C1QTNF3: variants seen among roughly 807,000 people sequenced by gnomAD.
The protein encoded by C1QTNF3 is complement C1q tumor necrosis factor-related protein 3.
In C1QTNF3, 26 loss-of-function variants were observed where a neutral mutation model predicts 32.6. That is an observed-to-expected ratio of 0.80 (90% CI 0.58 to 1.11). The LOEUF (loss-of-function observed/expected upper bound fraction) is 1.11, where lower values mean the gene tolerates loss of function less well. Ranked by LOEUF, C1QTNF3 falls within the 50% of genes least tolerant of loss-of-function variation. C1QTNF3 has a pLI of 0.00. For missense variants in C1QTNF3, 362 were observed against 398.2 expected (o/e 0.91, Z 0.77); for synonymous variants, 155 against 146.0 (o/e 1.06, Z -0.44).
chr5:34,105,551 C>A, the C1QTNF3 span, among the ~76,000 whole-genome samples: 1 of 151,844 alleles, frequency 6.6e-6, no homozygotes, highest in African/African-American at 2.4e-5. Context: ...ATGAGAGACT[C>A]CTTTATATTG....
the C1QTNF3 span, among the ~76,000 whole-genome samples, chr5:34,129,501 TAG>T: frequency 6.6e-6 from 1 of 152,176 alleles, no homozygotes; most frequent in African/African-American, 2.4e-5. Flanking sequence ...TGGTAATTAT[TAG>T]AGGCGATGGG....
At chr5:34,036,215 A>G (rs1754733059) in intron 1 of C1QTNF3, among the ~76,000 whole-genome samples, 1 of 151,986 alleles carries the variant, frequency 6.6e-6, no homozygotes, top group African/African-American at 2.4e-5. Flanking sequence ...TACTATATCC[A>G]TGATACTGAG....
chr5:34,172,265 C>T, the C1QTNF3 span, among the ~76,000 whole-genome samples: 1 of 151,716 alleles, frequency 6.6e-6, no homozygotes, highest in African/African-American at 2.4e-5. Context: ...AAGAAACTAA[C>T]AACAATAAAA....
At chr5:34,083,666 A>T in the C1QTNF3 span, among the ~76,000 whole-genome samples, 1 of 151,830 alleles carries the variant, frequency 6.6e-6, no homozygotes, top group Non-Finnish European at 1.5e-5. Context: ...GCTCAAGAAC[A>T]TTCTTTTATG....
chr5:34,219,314 G>A, the C1QTNF3 span, among the ~76,000 whole-genome samples: 4 of 151,456 alleles, frequency 2.6e-5, no homozygotes, highest in Non-Finnish European at 5.9e-5. Context: ...AAATAAAAAA[G>A]AAGTCACCTC....
chr5:34,157,300 T>C, the C1QTNF3 span, among the ~76,000 whole-genome samples: 1 of 152,308 alleles, frequency 6.6e-6, no homozygotes, highest in Non-Finnish European at 1.5e-5. Flanking sequence ...TATACCAAAC[T>C]TTCCTAATCA....
chr5:34,217,062 T>C, the C1QTNF3 span, among the ~76,000 whole-genome samples: 6 of 152,222 alleles, frequency 3.9e-5, no homozygotes, highest in East Asian at 1.9e-4. Flanking sequence ...AATATTCTTA[T>C]AATAACTCTT....
the C1QTNF3 span, among the ~76,000 whole-genome samples, chr5:34,237,987 C>G: frequency 1.3e-5 from 2 of 152,196 alleles, no homozygotes; most frequent in Non-Finnish European, 2.9e-5. Context: ...TCTTAAGCAC[C>G]ATGCATTGGA....
chr5:34,125,525 G>C, the C1QTNF3 span, among the ~76,000 whole-genome samples: 1 of 151,998 alleles, frequency 6.6e-6, no homozygotes, highest in Non-Finnish European at 1.5e-5. Context: ...CTTATGTAGA[G>C]TTGTGAGGAG....
the C1QTNF3 span, among the ~76,000 whole-genome samples, chr5:34,080,740 G>A: frequency 4.6e-5 from 7 of 151,542 alleles, 1 homozygote; most frequent in African/African-American, 1.5e-4. Flanking sequence ...AAAAATTCAC[G>A]ATTCTTGTCC....
chr5:34,137,865 TC>T, the C1QTNF3 span, among the ~76,000 whole-genome samples: 1 of 152,210 alleles, frequency 6.6e-6, no homozygotes, highest in South Asian at 2.1e-4. Flanking sequence ...TGATTTGTGA[TC>T]CCCCCAATTC....
the C1QTNF3 span, among the ~76,000 whole-genome samples, chr5:34,051,589 G>A: frequency 6.6e-6 from 1 of 152,188 alleles, no homozygotes; most frequent in Non-Finnish European, 1.5e-5. Flanking sequence ...TAAGGCAATT[G>A]TAAGGGAGCT....
At chr5:34,161,364 G>GC in the C1QTNF3 span, among the ~76,000 whole-genome samples, 1 of 151,898 alleles carries the variant, frequency 6.6e-6, no homozygotes, top group Non-Finnish European at 1.5e-5. Flanking sequence ...ACACTAACAG[G>GC]CCACTTAGAG....
the C1QTNF3 span, among the ~76,000 whole-genome samples, chr5:34,172,090 C>T: frequency 6.6e-6 from 1 of 152,140 alleles, no homozygotes; most frequent in Non-Finnish European, 1.5e-5. Flanking sequence ...CATTATGAAA[C>T]TTAGGAAATA....
the C1QTNF3 span, among the ~76,000 whole-genome samples, chr5:34,203,808 A>G: frequency 6.6e-6 from 1 of 151,910 alleles, no homozygotes; most frequent in Non-Finnish European, 1.5e-5. Context: ...ATACAGATTT[A>G]AAGTAAATGG....
chr5:34,171,796 G>A, the C1QTNF3 span, among the ~76,000 whole-genome samples: 3 of 152,154 alleles, frequency 2.0e-5, no homozygotes, highest in African/African-American at 7.2e-5. Context: ...AAGTATTTGT[G>A]AGCAGCCTAA....
the C1QTNF3 span, among the ~76,000 whole-genome samples, chr5:34,112,303 T>C: frequency 1.3e-5 from 2 of 152,128 alleles, no homozygotes; most frequent in East Asian, 3.8e-4. Context: ...TTACAACCCC[T>C]TTATATCCCA....
chr5:34,243,580 G>A, the C1QTNF3 span, among the ~76,000 whole-genome samples: 28 of 152,312 alleles, frequency 1.8e-4, no homozygotes, highest in African/African-American at 6.7e-4. Flanking sequence ...CCCATCAACG[G>A]TGGACTGGAT....
chr5:34,194,145 A>G, the C1QTNF3 span, among the ~76,000 whole-genome samples: 5 of 152,422 alleles, frequency 3.3e-5, no homozygotes, highest in African/African-American at 1.2e-4. Flanking sequence ...GGCTCCGTTA[A>G]CTATTACTGC....
Sources: gnomAD v4.1 joint callset for allele counts (sites outside exome capture counted in the v4.1 genomes callset) on GRCh38, gnomAD v4.1.1 for gene constraint, MANE v1.5 for transcripts, NCBI Gene and HGNC (gene_info 2026-07-23, HGNC 2026-07-21) for gene names.